Variants in DAB1 observed in about 807,000 individuals in gnomAD.
The protein encoded by DAB1 is DAB adaptor protein 1.
Under a neutral mutation model 64.6 loss-of-function variants are expected in DAB1, and 15 were observed. The ratio of observed to expected loss-of-function variants is 0.23; its 90% CI spans 0.16 to 0.36. The LOEUF (loss-of-function observed/expected upper bound fraction) is 0.36. Ranked by LOEUF, DAB1 falls within the 10% of genes least tolerant of loss-of-function variation. The probability of loss-of-function intolerance (pLI) is 1.00; values close to 1 mark genes in which losing one functional copy is unlikely to be tolerated. For missense variants in DAB1, 596 were observed against 706.7 expected (o/e 0.84, Z 1.78); for synonymous variants, 235 against 251.9 (o/e 0.93, Z 0.64).
intron 2 of DAB1, among the ~76,000 whole-genome samples, chr1:57,216,532 G>C (rs1666440034): frequency 1.3e-5 from 2 of 152,088 alleles, no homozygotes; most frequent in African/African-American, 4.8e-5. Flanking sequence ...TATCAAATGA[G>C]AGGTTGCCAG....
intron 1 of DAB1, among the ~76,000 whole-genome samples, chr1:57,381,698 C>T (rs897074119): frequency 1.3e-5 from 2 of 152,176 alleles, no homozygotes; most frequent in Admixed American, 1.3e-4. Context: ...TGTACAGAGG[C>T]TCCCAAATCC....
At chr1:58,354,994 A>G (rs1483563653) in intron 3 of DAB1, among the ~76,000 whole-genome samples, 1 of 152,202 alleles carries the variant, frequency 6.6e-6, no homozygotes, top group African/African-American at 2.4e-5. Flanking sequence ...AGGTCCAGCT[A>G]TAATCATCAA....
intron 4 of DAB1, among the ~76,000 whole-genome samples, chr1:57,094,505 T>C (rs1653980541): frequency 6.6e-6 from 1 of 152,038 alleles, no homozygotes; most frequent in African/African-American, 2.4e-5. Flanking sequence ...GAGGTCAGAG[T>C]GGTTACAGGG....
intron 7 of DAB1, among the ~76,000 whole-genome samples, chr1:57,441,495 C>T (rs1685959762): frequency 1.3e-5 from 2 of 151,992 alleles, no homozygotes; most frequent in African/African-American, 2.4e-5. Flanking sequence ...GCTGGGACTA[C>T]AGGCACACAC....
intron 5 of DAB1, among the ~76,000 whole-genome samples, chr1:58,116,112 A>G (rs1339752031): frequency 6.6e-6 from 1 of 152,212 alleles, no homozygotes; most frequent in Non-Finnish European, 1.5e-5. Flanking sequence ...ACACAGTTTT[A>G]AATAATTAAA....
intron 1 of DAB1, among the ~76,000 whole-genome samples, chr1:57,343,220 A>C (rs990900988): frequency 6.6e-6 from 1 of 152,070 alleles, no homozygotes; most frequent in Non-Finnish European, 1.5e-5. Flanking sequence ...CTAGATACAG[A>C]GTGTCAATTG....
intron 1 of DAB1, among the ~76,000 whole-genome samples, chr1:57,381,367 G>C (rs1681359198): frequency 6.6e-6 from 1 of 152,284 alleles, no homozygotes; most frequent in Non-Finnish European, 1.5e-5. Flanking sequence ...GTCAACAAGA[G>C]AGTGTAATTA....
At chr1:58,196,698 A>AGCC (rs1361001972) in intron 4 of DAB1, among the ~76,000 whole-genome samples, 2 of 152,276 alleles carry the variant, frequency 1.3e-5, no homozygotes, top group Non-Finnish European at 2.9e-5. Context: ...GAGAGGAGAG[A>AGCC]GCCCAGGGAA....
At chr1:58,030,030 AC>A (rs1646948623) in intron 5 of DAB1, among the ~76,000 whole-genome samples, 1 of 151,944 alleles carries the variant, frequency 6.6e-6, no homozygotes, top group South Asian at 2.1e-4. Flanking sequence ...ACAAGGTGAA[AC>A]CCCGTCTCTA....
intron 7 of DAB1, among the ~76,000 whole-genome samples, chr1:57,454,811 A>G (rs1558396558): frequency 6.6e-6 from 1 of 152,144 alleles, no homozygotes; most frequent in East Asian, 1.9e-4. Context: ...GACCTTTACT[A>G]TATGCCTACA....
chr1:57,743,343 C>T (rs1460127254), intron 6 of DAB1, among the ~76,000 whole-genome samples: 1 of 152,148 alleles, frequency 6.6e-6, no homozygotes, highest in East Asian at 1.9e-4. Context: ...TTGTAATTCT[C>T]CCCACCCTTG....
At chr1:57,231,131 A>G (rs1288663229) in intron 2 of DAB1, among the ~76,000 whole-genome samples, 4 of 152,182 alleles carry the variant, frequency 2.6e-5, no homozygotes, top group Non-Finnish European at 5.9e-5. Flanking sequence ...CCTGATTTCT[A>G]TATCTAAAAT....
chr1:58,507,999 T>C (rs1041250709), intron 2 of DAB1, among the ~76,000 whole-genome samples: 6 of 152,240 alleles, frequency 3.9e-5, no homozygotes, highest in Admixed American at 1.3e-4. Context: ...GGCATACTTA[T>C]CTAATTTTTT....
intron 5 of DAB1, among the ~76,000 whole-genome samples, chr1:57,996,852 T>C (rs1646432897): frequency 6.6e-6 from 1 of 152,114 alleles, no homozygotes; most frequent in Non-Finnish European, 1.5e-5. Flanking sequence ...TAGTGATTCG[T>C]TTTAATGCCA....
intron 2 of DAB1, among the ~76,000 whole-genome samples, chr1:57,179,137 C>T (rs1662644044): frequency 6.6e-6 from 1 of 152,138 alleles, no homozygotes; most frequent in Admixed American, 6.5e-5. Flanking sequence ...AATATTCAGA[C>T]TCATGCAGCA....
At chr1:57,561,529 T>G (rs1558495401) in intron 7 of DAB1, among the ~76,000 whole-genome samples, 1 of 152,132 alleles carries the variant, frequency 6.6e-6, no homozygotes. Context: ...CTCTGAGTGG[T>G]TAAAAACTGT....
In DAB1 at chr1:58,267,177, G is replaced by A. The variant is rs147508819; in HGVS notation, n.309+76175C>T. Among the ~76,000 whole-genome samples, 770 of 152,164 alleles carry A rather than the reference G, an allele frequency of 5.1e-3. 4 individuals are homozygous for A. Among genetic ancestry groups the A allele is most frequent in the African/African-American group, 0.014 (590 of 41,518 alleles). On this transcript the variant is annotated intron_variant and non_coding_transcript_variant, in intron 4 of 20. Coordinates refer to the DAB1 transcript ENST00000485760. ...GGAGGTTGCAGTGAGCTGAGATCAC[G>A]CCACTGCACTCCAGCCTGGGCGGCA...
At chr1:58,403,666 C>T (rs192885160) in intron 3 of DAB1, among the ~76,000 whole-genome samples, 2 of 152,280 alleles carry the variant, frequency 1.3e-5, no homozygotes, top group East Asian at 3.9e-4. Flanking sequence ...GGCAGGTATC[C>T]CACTTTCACG....
At chr1:57,206,876 G>A (rs1313962129) in intron 2 of DAB1, among the ~76,000 whole-genome samples, 3 of 150,176 alleles carry the variant, frequency 2.0e-5, no homozygotes, top group Non-Finnish European at 4.4e-5. Context: ...GTTATGCCAT[G>A]TATATGATAT....
Sources: gnomAD v4.1 joint callset for allele counts (sites outside exome capture counted in the v4.1 genomes callset) on GRCh38, gnomAD v4.1.1 for gene constraint, MANE v1.5 for transcripts, NCBI Gene and HGNC (gene_info 2026-07-23, HGNC 2026-07-21) for gene names.